The following SLC5A4 variants were observed in gnomAD, a reference collection of about 807,000 sequenced individuals.
SLC5A4 encodes the protein solute carrier family 5 member 4.
SLC5A4 carries 55 observed loss-of-function variants against 70.3 expected under a neutral mutation model. That is an observed-to-expected ratio of 0.78 (90% confidence interval 0.63 to 0.98). SLC5A4 has a LOEUF of 0.98. Among genes scored for constraint, SLC5A4 ranks in the 50% least tolerant of loss-of-function variants. The pLI, the probability that SLC5A4 is intolerant of heterozygous loss-of-function variation, is 0.00. For missense variants in SLC5A4, 735 were observed against 839.2 expected, an observed-to-expected ratio of 0.88 and a Z score of 1.53; for synonymous variants, 268 against 305.7, an observed-to-expected ratio of 0.88 and a Z score of 1.29.
the SLC5A4 span, among the ~76,000 whole-genome samples, chr22:32,308,411 C>G: frequency 6.6e-6 from 1 of 152,198 alleles, no homozygotes; most frequent in Non-Finnish European, 1.5e-5. Context: ...TGTAAAGGGC[C>G]TGGCGCCACC....
the SLC5A4 span, among the ~76,000 whole-genome samples, chr22:32,333,874 TAC>T: frequency 7.1e-6 from 1 of 141,088 alleles, no homozygotes; most frequent in Non-Finnish European, 1.5e-5. Context: ...ACACCCACAA[TAC>T]ACATACACAC....
At chr22:32,233,271 A>C (rs1256553575) in intron 8 of SLC5A4, among the ~76,000 whole-genome samples, 1 of 152,234 alleles carries the variant, frequency 6.6e-6, no homozygotes. Flanking sequence ...TACACAATGC[A>C]AAACCATTCA....
At chr22:32,224,157 T>A in intron 13 of SLC5A4, 110 bp downstream of exon 13, 1 of 764,864 alleles carries the variant, frequency 1.3e-6, no homozygotes, top group East Asian at 2.7e-5. Context: ...CCTGACCTCG[T>A]GATCCGCCCG....
the SLC5A4 span, among the ~76,000 whole-genome samples, chr22:32,291,869 CT>C: frequency 9.3e-6 from 1 of 107,976 alleles, no homozygotes; most frequent in Non-Finnish European, 1.9e-5. Flanking sequence ...ATTTATTTTT[CT>C]TTTCTATCTT....
At chr22:32,331,862 C>T in the SLC5A4 span, among the ~76,000 whole-genome samples, 1 of 152,078 alleles carries the variant, frequency 6.6e-6, no homozygotes, top group Non-Finnish European at 1.5e-5. Context: ...GTGGGGGCTG[C>T]TCCTCCCCAG....
intron 7 of SLC5A4, among the ~76,000 whole-genome samples, 170 bp downstream of exon 7, chr22:32,237,074 A>G (rs959774907): frequency 2.0e-5 from 3 of 152,176 alleles, no homozygotes; most frequent in Non-Finnish European, 4.4e-5. Flanking sequence ...CTGAGCTAAT[A>G]AAGCAAGAAA....
the SLC5A4 span, among the ~76,000 whole-genome samples, chr22:32,289,287 G>A: frequency 2.6e-5 from 4 of 152,050 alleles, no homozygotes; most frequent in Non-Finnish European, 5.9e-5. Context: ...TGATGTCAAA[G>A]CAACCTGATT....
At chr22:32,277,016 T>C in the SLC5A4 span, 3 of 152,224 alleles carry the variant, frequency 2.0e-5, no homozygotes, top group African/African-American at 4.8e-5. Flanking sequence ...AAAATACTTA[T>C]TCCCAATGTA....
At chr22:32,352,847 G>A in the SLC5A4 span, among the ~76,000 whole-genome samples, 2 of 152,344 alleles carry the variant, frequency 1.3e-5, no homozygotes, top group East Asian at 3.9e-4. Context: ...CCGCTCTGGT[G>A]CTCTTCAGTT....
chr22:32,335,437 CCA>C, the SLC5A4 span, among the ~76,000 whole-genome samples: 4 of 152,194 alleles, frequency 2.6e-5, no homozygotes, highest in African/African-American at 9.7e-5. Flanking sequence ...GGACCTCTTT[CCA>C]CACACAGAGT....
intron 14 of SLC5A4, 116 bp downstream of exon 14, chr22:32,220,804 T>C: frequency 1.3e-6 from 1 of 742,772 alleles, no homozygotes; most frequent in Non-Finnish European, 2.4e-6. Flanking sequence ...AAGTTTCAGT[T>C]TGTCATAAAT....
Position 32,224,432 on chromosome 22 carries a change from C to T in SLC5A4, c.1500G>A (p.Met500Ile), listed in dbSNP as rs1925276668. The change falls in exon 13 of 15, where the codon ATG becomes ATA. Residue 500 changes from methionine (M) to isoleucine (I), a missense_variant. Physicochemically the swap from Met to Ile is conservative, Grantham distance 10 (BLOSUM62 1). Transcript: ENST00000266086. ...MVGLAMGLIR[M>I]ITEFAYGTGS... Reference sequence around the variant, plus strand: ...CTGTTCCATAAGCAAACTCTGTTATCATACGAATGAGGCCCATTGCAAGTC... The same window carrying T: ...CTGTTCCATAAGCAAACTCTGTTATTATACGAATGAGGCCCATTGCAAGTC... 1.9e-6 allele frequency: 3 copies of T among 1,611,264 alleles called. No individual in the cohort carries two copies. In the Admixed American group the frequency reaches 5.0e-5, roughly 27 times the overall value.
In SLC5A4 at chr22:32,224,401, A is replaced by C. The variant is rs1276172677; in HGVS notation, c.1531T>G (p.Cys511Gly). 1 of 1,613,708 alleles carries C rather than the reference A, an allele frequency of 6.2e-7. No homozygotes were observed. Among genetic ancestry groups the C allele is most frequent in the East Asian group, 2.2e-5 (1 of 44,890 alleles). The change falls in exon 13 of 15, where the codon TGC becomes GGC. Residue 511 changes from cysteine (C) to glycine (G), a missense_variant. Physicochemically the swap from Cys to Gly is radical, Grantham distance 159. Transcript: ENST00000266086. Reference protein sequence around the residue: ...ITEFAYGTGSCLAPSNCPKII... With the variant: ...ITEFAYGTGSGLAPSNCPKII... ...TTGGGACAGTTACTGGGAGCCAAGCAACTCCCTGTTCCATAAGCAAACTCT... is the reference window on the plus strand; with the variant it reads ...TTGGGACAGTTACTGGGAGCCAAGCCACTCCCTGTTCCATAAGCAAACTCT...
chr22:32,301,792 G>A, the SLC5A4 span, among the ~76,000 whole-genome samples: 1 of 151,556 alleles, frequency 6.6e-6, no homozygotes. Flanking sequence ...AAAGAGAATG[G>A]TACTGGCATA....
At chr22:32,322,205 C>T in the SLC5A4 span, among the ~76,000 whole-genome samples, 1 of 152,184 alleles carries the variant, frequency 6.6e-6, no homozygotes, top group Admixed American at 6.5e-5. Context: ...GAGAACATCA[C>T]ACAAGGCAAG....
the SLC5A4 span, among the ~76,000 whole-genome samples, chr22:32,277,479 A>AT: frequency 5.2e-4 from 79 of 152,340 alleles, 1 homozygote; most frequent in African/African-American, 1.8e-3. Context: ...ACTGTGAAGG[A>AT]TTTTAAGCTC....
intron 9 of SLC5A4, 107 bp from the exon 10 acceptor site, chr22:32,231,182 CCTGGAAA>C: frequency 1.4e-6 from 1 of 720,540 alleles, no homozygotes. Context: ...AAGACATTTG[CCTGGAAA>C]CTGGAGATTC....
chr22:32,331,214 CTG>C, the SLC5A4 span, among the ~76,000 whole-genome samples: 1 of 83,938 alleles, frequency 1.2e-5, no homozygotes, highest in African/African-American at 5.1e-5. Context: ...GTATTGGGGG[CTG>C]TGTGTTGGGG....
At chr22:32,272,233 C>A in the SLC5A4 span, 9 of 779,080 alleles carry the variant, frequency 1.2e-5, no homozygotes, top group African/African-American at 1.2e-4. Flanking sequence ...ATGGATGTGA[C>A]TGAGGTGGTG....
Sources: allele counts gnomAD v4.1 joint callset (sites outside exome capture counted in the v4.1 genomes callset), GRCh38; gene constraint gnomAD v4.1.1; transcripts MANE v1.5; gene names NCBI Gene and HGNC (gene_info 2026-07-23, HGNC 2026-07-21).